The following AFF3 variants were observed in gnomAD, a reference collection of about 807,000 sequenced individuals.
The protein encoded by AFF3 is AF4/FMR2 family member 3.
In AFF3, 32 loss-of-function variants were observed where a neutral mutation model predicts 129.7. The ratio of observed to expected loss-of-function variants is 0.25; its 90% CI spans 0.19 to 0.33. AFF3 has a LOEUF of 0.33. AFF3 is among the 10% of genes least tolerant of loss of function. The pLI is 1.00. For synonymous variants in AFF3, 644 were observed against 635.4 expected (o/e 1.01, Z -0.20); for missense variants, 1,373 against 1,592.0 (o/e 0.86, Z 2.34).
chr2:99,627,963 T>C (rs1682755611), intron 13 of AFF3, among the ~76,000 whole-genome samples: 1 of 152,158 alleles, frequency 6.6e-6, no homozygotes, highest in African/African-American at 2.4e-5. Context: ...TTGGTTACCA[T>C]AGCCCTGTAG....
chr2:99,745,966 C>T (rs1681121319), intron 9 of AFF3, among the ~76,000 whole-genome samples: 1 of 152,014 alleles, frequency 6.6e-6, no homozygotes, highest in African/African-American at 2.4e-5. Context: ...TATGGAGACT[C>T]AGAAGTGGGA....
intron 5 of AFF3, 51 bp from the exon 6 acceptor site, chr2:100,007,511 C>A: frequency 6.6e-7 from 1 of 1,511,158 alleles, no homozygotes. Flanking sequence ...ACAGAAACAC[C>A]GGAGATAATC....
At chr2:100,071,876 C>T (rs1688215397) in intron 4 of AFF3, among the ~76,000 whole-genome samples, 1 of 152,168 alleles carries the variant, frequency 6.6e-6, no homozygotes, top group South Asian at 2.1e-4. Flanking sequence ...ACGTACTGTA[C>T]AGCATATGTG....
At chr2:99,936,468 G>A (rs1674533107) in intron 7 of AFF3, among the ~76,000 whole-genome samples, 2 of 152,160 alleles carry the variant, frequency 1.3e-5, no homozygotes, top group African/African-American at 4.8e-5. Flanking sequence ...AGGAGGATTA[G>A]AGAGGAAAGG....
intron 4 of AFF3, among the ~76,000 whole-genome samples, chr2:100,031,277 A>G (rs1684466704): frequency 6.6e-6 from 1 of 152,226 alleles, no homozygotes; most frequent in Admixed American, 6.5e-5. Context: ...GAATAATGGA[A>G]CCAAGATTTC....
chr2:99,841,059 C>T (rs1689284080), intron 7 of AFF3, among the ~76,000 whole-genome samples: 2 of 152,288 alleles, frequency 1.3e-5, no homozygotes, highest in Admixed American at 6.5e-5. Flanking sequence ...CTCAGGTCCT[C>T]CTGGTGGAAT....
chr2:99,703,643 CTCT>C (rs1677083251), intron 11 of AFF3, among the ~76,000 whole-genome samples: 1 of 132,790 alleles, frequency 7.5e-6, no homozygotes, highest in Admixed American at 7.3e-5. Context: ...TCTCATTTCT[CTCT>C]TTTTTTTTTT....
chr2:99,644,079 G>A (rs1012892893), intron 13 of AFF3, among the ~76,000 whole-genome samples: 2 of 152,190 alleles, frequency 1.3e-5, no homozygotes, highest in African/African-American at 4.8e-5. Context: ...TGCTGGATGC[G>A]TTCAGTAAAT....
At chr2:99,863,931 C>T (rs1057274998) in intron 7 of AFF3, among the ~76,000 whole-genome samples, 49 of 152,312 alleles carry the variant, frequency 3.2e-4, no homozygotes, top group Non-Finnish European at 5.4e-4. Flanking sequence ...AACATGAGGA[C>T]CTTCTAAGCC....
intron 13 of AFF3, among the ~76,000 whole-genome samples, chr2:99,637,468 G>A (rs115277422): frequency 0.011 from 1,734 of 152,172 alleles, 31 homozygotes; most frequent in African/African-American, 0.039. Context: ...CATTTGTTGC[G>A]TTTGGATTGC....
At chr2:99,686,169 G>A (rs952806684) in intron 11 of AFF3, among the ~76,000 whole-genome samples, 5 of 151,878 alleles carry the variant, frequency 3.3e-5, no homozygotes, top group Admixed American at 2.6e-4. Flanking sequence ...CAGCCTGGGC[G>A]ACACAGCGAG....
intron 4 of AFF3, among the ~76,000 whole-genome samples, chr2:100,091,010 G>T (rs1689811765): frequency 6.6e-6 from 1 of 152,118 alleles, no homozygotes; most frequent in African/African-American, 2.4e-5. Context: ...ATATTTTAAG[G>T]TCGCATGGGA....
chr2:100,129,951 G>T (rs574229865), intron 1 of AFF3, among the ~76,000 whole-genome samples: 2 of 152,272 alleles, frequency 1.3e-5, no homozygotes, highest in South Asian at 2.1e-4. Context: ...TTCAGTCCAG[G>T]TCTAACACTC....
chr2:99,851,241 A>G (rs1215680085), intron 7 of AFF3, among the ~76,000 whole-genome samples: 1 of 152,214 alleles, frequency 6.6e-6, no homozygotes, highest in African/African-American at 2.4e-5. Context: ...GACAGGCAAG[A>G]TTTTCCAAAG....
rs1167275817 is a variant in AFF3, at chr2:99,593,975, G to C, written c.1686C>G (p.Ala562=). The change falls in exon 15 of 25, where the codon GCC becomes GCG. Residue 562 remains alanine (A), a synonymous_variant. Coordinates refer to ENST00000672756, the MANE Select transcript of AFF3 (RefSeq NM_001386135.1). ...AAVAVAVSAA[A]PPPAVPCAPA... ...GCGCACAGGGCACTGCGGGTGGCGG[G>C]GCGGCTGCGCTCACCGCCACGGCCA... is the stretch of plus-strand genomic sequence containing the variant. The C allele has an allele frequency of 1.3e-6, 2 of 1,494,998 alleles. No homozygotes were observed. The allele number at this position is 1,494,998 out of a possible 1,614,324, so 92.6% of individuals were successfully genotyped here.
intron 12 of AFF3, among the ~76,000 whole-genome samples, chr2:99,665,435 G>T (rs1426630480): frequency 6.6e-6 from 1 of 152,220 alleles, no homozygotes; most frequent in Non-Finnish European, 1.5e-5. Context: ...CATCAAGGAT[G>T]AGTCTGAAGT....
chr2:99,798,690 C>A (rs1199545999), intron 8 of AFF3, among the ~76,000 whole-genome samples: 1 of 151,798 alleles, frequency 6.6e-6, no homozygotes, highest in Non-Finnish European at 1.5e-5. Flanking sequence ...GATCTTAACG[C>A]AGCCAGGGAT....
intron 7 of AFF3, among the ~76,000 whole-genome samples, chr2:99,954,053 T>C (rs1317683880): frequency 6.6e-6 from 1 of 152,220 alleles, no homozygotes. Context: ...TGTATACTTA[T>C]TCCAGGGACT....
At chr2:99,738,622 A>G (rs1272012335) in intron 10 of AFF3, among the ~76,000 whole-genome samples, 2 of 152,126 alleles carry the variant, frequency 1.3e-5, no homozygotes, top group Non-Finnish European at 2.9e-5. Context: ...ATTTTTAAAT[A>G]AAAAATTGGT....
Sources: gnomAD v4.1 joint callset for allele counts (sites outside exome capture counted in the v4.1 genomes callset) on GRCh38, gnomAD v4.1.1 for gene constraint, MANE v1.5 for transcripts, NCBI Gene and HGNC (gene_info 2026-07-23, HGNC 2026-07-21) for gene names.